The following EXTL3 variants were observed in gnomAD, a reference collection of about 807,000 sequenced individuals.
EXTL3 encodes exostosin-like 3.
Under a neutral mutation model 69.3 loss-of-function variants are expected in EXTL3, and 27 were observed. That is an observed-to-expected ratio of 0.39 (90% CI 0.29 to 0.54). EXTL3 has a LOEUF of 0.54. Among genes scored for constraint, EXTL3 ranks in the 20% least tolerant of loss-of-function variants. EXTL3 has a pLI of 0.69. For missense variants in EXTL3, 1,003 were observed against 1,231.8 expected (o/e 0.81, Z 2.78); for synonymous variants, 511 against 499.4 (o/e 1.02, Z -0.31).
At chr8:28,688,022 C>G (rs1053141120) in intron 1 of EXTL3, among the ~76,000 whole-genome samples, 2 of 150,710 alleles carry the variant, frequency 1.3e-5, no homozygotes, top group Non-Finnish European at 2.9e-5. Context: ...GCCAGCCCCC[C>G]AGGGATTAAA....
intron 1 of EXTL3, among the ~76,000 whole-genome samples, chr8:28,643,820 CA>C (rs1806785234): frequency 2.0e-5 from 3 of 152,142 alleles, no homozygotes; most frequent in Admixed American, 2.0e-4. Flanking sequence ...AGCTGGAGTA[CA>C]GTGTCACAAT....
At position 28,716,858 on chromosome 8, in the gene EXTL3, C is replaced by A; in HGVS notation, c.799C>A (p.Arg267=). The A allele has an allele frequency of 6.2e-7, 1 of 1,614,186 alleles. No homozygotes were observed. Among genetic ancestry groups the A allele is most frequent in the African/African-American group, 1.3e-5 (1 of 75,032 alleles). ...EKQLYSLPHW[R]TDGHNHVIIN... is the part of the protein sequence containing the mutation. ...GCAGTTGTATTCCCTGCCACACTGGCGGACGGATGGACACAACCATGTCAT... is the reference window on the plus strand; with the variant it reads ...GCAGTTGTATTCCCTGCCACACTGGAGGACGGATGGACACAACCATGTCAT... The change falls in exon 3 of 7, where the codon CGG becomes AGG. Residue 267 remains arginine, a synonymous_variant. Coordinates refer to ENST00000220562, the MANE Select transcript of EXTL3 (RefSeq NM_001440.4). This position sits in a 1 kb window ranked among gnomAD's most constrained non-coding sequence, Gnocchi z 7.1.
Position 28,717,446 on chromosome 8 carries a change from G to T in EXTL3, c.1387G>T (p.Val463Leu). Residue 463 changes from valine to leucine, a missense_variant, in exon 3 of 7, where the codon GTG (valine) becomes TTG (leucine). Physicochemically the swap from Val to Leu is conservative, Grantham distance 32. Around this residue, in one of 2 missense-constraint regions of EXTL3, gnomAD observed 742 missense variants for 815.4 expected, o/e 0.91. Coordinates refer to ENST00000220562, the MANE Select transcript of EXTL3 (RefSeq NM_001440.4). This position sits in a 1 kb window ranked among gnomAD's most constrained non-coding sequence, Gnocchi z 8.3. ...EALEVGAVPV[V>L]LGEQVQLPYQ... ...CCTGGAAGTCGGTGCCGTCCCGGTG[G>T]TGCTGGGGGAGCAGGTCCAGCTTCC... 1 of 1,614,228 alleles carries T rather than the reference G, an allele frequency of 6.2e-7. No homozygotes were observed. The highest frequency in any genetic ancestry group is 8.5e-7 in the Non-Finnish European group (1 of 1,180,052).
At chr8:28,625,614 AAAC>A (rs2130550255) in intron 1 of EXTL3, among the ~76,000 whole-genome samples, 1 of 152,350 alleles carries the variant, frequency 6.6e-6, no homozygotes, top group African/African-American at 2.4e-5. Context: ...TTTGTTCAAT[AAAC>A]ACCCTAGCAC....
chr8:28,651,621 G>A (rs1806922437), intron 1 of EXTL3, among the ~76,000 whole-genome samples: 1 of 152,126 alleles, frequency 6.6e-6, no homozygotes, highest in Non-Finnish European at 1.5e-5. Context: ...CACCATGCCT[G>A]ACCAGCAACA....
intron 6 of EXTL3, 128 bp downstream of exon 6, chr8:28,743,342 C>T: frequency 9.2e-7 from 1 of 1,081,718 alleles, no homozygotes. Flanking sequence ...ATACTACCTA[C>T]CTCATCAAAG....
intron 3 of EXTL3, among the ~76,000 whole-genome samples, chr8:28,729,758 T>C (rs1276352876): frequency 6.6e-6 from 1 of 151,904 alleles, no homozygotes; most frequent in Admixed American, 6.6e-5. Flanking sequence ...CCTTGCACTT[T>C]CGGAGCCGAG....
chr8:28,737,675 C>A lies in EXTL3; in HGVS notation c.2421+12C>A. 6.2e-7 allele frequency: 1 copy of A among 1,614,044 alleles called. No individual in the cohort carries two copies. The highest frequency in any genetic ancestry group is 8.5e-7 in the Non-Finnish European group (1 of 1,179,882). On this transcript the variant is annotated intron_variant, in intron 5 of 6. Transcript: ENST00000220562. ...CCTTCTTTCACAAGGTAAGAAAAAG[C>A]TGGTAATAATGGCATCGACTTGGTG...
In EXTL3 at chr8:28,750,733, G is replaced by A. The variant is rs751324069; in HGVS notation, c.2627G>A (p.Arg876Gln). Residue 876 changes from arginine (R) to glutamine (Q), a missense_variant, in exon 7 of 7, where the codon CGG (arginine) becomes CAG (glutamine). Transcript: ENST00000220562. The surrounding 1 kb of genome is among the most constrained non-coding windows in gnomAD (Gnocchi z 5.2). Reference sequence around the variant, plus strand: ...CATGATGACTCCCACTTCCACGAGCGGCACAAGTGCATCAACTTCTTCGTG... The same window carrying A: ...CATGATGACTCCCACTTCCACGAGCAGCACAAGTGCATCAACTTCTTCGTG... ...LSHDDSHFHE[R>Q]HKCINFFVKV... 1 of 1,614,146 alleles carries A rather than the reference G, an allele frequency of 6.2e-7. No individual in the cohort carries two copies. The highest frequency in any genetic ancestry group is 1.1e-5 in the South Asian group (1 of 91,074).
intron 1 of EXTL3, among the ~76,000 whole-genome samples, chr8:28,658,507 C>T (rs995404599): frequency 7.9e-5 from 12 of 152,094 alleles, no homozygotes; most frequent in Admixed American, 5.2e-4. Context: ...GTCTTATACA[C>T]CTTTTCTGTA....
intron 1 of EXTL3, among the ~76,000 whole-genome samples, chr8:28,657,911 G>A (rs958097296): frequency 6.6e-6 from 1 of 152,118 alleles, no homozygotes; most frequent in Non-Finnish European, 1.5e-5. Flanking sequence ...TTACTTAATC[G>A]ACCTTCCCTT....
intron 1 of EXTL3, among the ~76,000 whole-genome samples, chr8:28,706,417 T>G (rs191288669): frequency 6.6e-6 from 1 of 152,320 alleles, no homozygotes; most frequent in Admixed American, 6.5e-5. Context: ...AGTATGAGCA[T>G]TTTGGAAGTT....
At chr8:28,690,635 G>A (rs987362951) in intron 1 of EXTL3, among the ~76,000 whole-genome samples, 12 of 152,138 alleles carry the variant, frequency 7.9e-5, no homozygotes, top group Non-Finnish European at 7.3e-5. Context: ...AGGCTTGACT[G>A]GGGCTGGAGG....
rs1801018372 is a variant in EXTL3, at chr8:28,710,825, C to T, written c.-569-2632C>T. ...GTGGTGTGATTACAGGCATGAGCCGCAGCGCCTGGCTTGTGGTATTCTTTA... is the reference window on the plus strand; with the variant it reads ...GTGGTGTGATTACAGGCATGAGCCGTAGCGCCTGGCTTGTGGTATTCTTTA... On this transcript the variant is annotated intron_variant, in intron 1 of 6. Coordinates refer to ENST00000220562, the MANE Select transcript of EXTL3 (RefSeq NM_001440.4). 2.6e-5 allele frequency among the ~76,000 whole-genome samples: 4 copies of T among 151,936 alleles called. No homozygotes were observed. The South Asian group carries it at 6.2e-4, about 24-fold the overall frequency.
intron 1 of EXTL3, among the ~76,000 whole-genome samples, chr8:28,636,496 C>T (rs1806658141): frequency 6.6e-6 from 1 of 152,164 alleles, no homozygotes; most frequent in South Asian, 2.1e-4. Flanking sequence ...CTGCTCTCTC[C>T]AAGGGCAATA....
intron 1 of EXTL3, among the ~76,000 whole-genome samples, chr8:28,648,892 G>GGTTT (rs936249167): frequency 9.2e-5 from 14 of 151,784 alleles, no homozygotes; most frequent in Middle Eastern, 3.4e-3. Context: ...GGTTTGTTTT[G>GGTTT]GTTTGTTTGT....
At chr8:28,642,009 C>T (rs950297144) in intron 1 of EXTL3, among the ~76,000 whole-genome samples, 1 of 151,586 alleles carries the variant, frequency 6.6e-6, no homozygotes, top group African/African-American at 2.4e-5. Context: ...CTAATTTTTT[C>T]TATTTTTAGT....
intron 1 of EXTL3, among the ~76,000 whole-genome samples, chr8:28,635,715 C>CCACACACACACACA (rs146671194): frequency 0.016 from 2,273 of 142,748 alleles, 25 homozygotes; most frequent in East Asian, 0.062. Context: ...CCCCACAACT[C>CCACACACACACACA]CACACACACA....
Position 28,715,711 on chromosome 8 carries a change from G to T in EXTL3, c.-349G>T. 1 of 313,680 alleles carries T rather than the reference G, an allele frequency of 3.2e-6. No homozygotes were observed. The highest frequency in any genetic ancestry group is 6.0e-6 in the Non-Finnish European group (1 of 167,354). The allele number at this position is 313,680 out of a possible 1,614,324, so 19.4% of individuals were successfully genotyped here. ...GCAAAACCAAGAAACAAGAGCTATG[G>T]CATTTGAAAAAGTCTGTCTGATTCC... On this transcript the variant is annotated 5_prime_UTR_variant, in exon 3 of 7. Transcript: ENST00000220562.
Sources: gnomAD v4.1 joint callset for allele counts (sites outside exome capture counted in the v4.1 genomes callset) on GRCh38, gnomAD v4.1.1 for gene constraint, gnomAD v4.1.1 regional missense constraint, Gnocchi (gnomAD v3.1) non-coding constraint, MANE v1.5 for transcripts, NCBI Gene and HGNC (gene_info 2026-07-23, HGNC 2026-07-21) for gene names.